The following CRTC1 variants were observed in gnomAD, a reference collection of about 807,000 sequenced individuals.
CRTC1 encodes CREB regulated transcription coactivator 1, also known as CREB-regulated transcription coactivator 1.
CRTC1 carries 18 observed loss-of-function variants against 66.1 expected under a neutral mutation model. The ratio of observed to expected loss-of-function variants is 0.27; its 90% confidence interval spans 0.19 to 0.40. The LOEUF (loss-of-function observed/expected upper bound fraction) is 0.40, where lower values mean the gene tolerates loss of function less well. CRTC1 is among the 10% of genes least tolerant of loss of function. CRTC1 has a pLI of 1.00. For missense variants in CRTC1, 669 were observed against 887.9 expected (o/e 0.75, Z 3.13); for synonymous variants, 416 against 398.8 (o/e 1.04, Z -0.51).
intron 1 of CRTC1, among the ~76,000 whole-genome samples, chr19:18,729,572 G>A (rs1034705339): frequency 1.3e-5 from 2 of 151,944 alleles, no homozygotes; most frequent in Non-Finnish European, 2.9e-5. Flanking sequence ...TAGGGAGACC[G>A]CGTCTCTACT....
chr19:18,779,952 T>A lies in CRTC1; in HGVS notation c.*2570T>A, dbSNP rs2055071492. 4.4e-6 allele frequency: 1 copy of A among 229,114 alleles called. No individual in the cohort carries two copies. Among genetic ancestry groups the A allele is most frequent in the South Asian group, 1.8e-4 (1 of 5,492 alleles). The allele number at this position is 229,114 out of a possible 1,614,324, so 14.2% of individuals were successfully genotyped here. A position where few individuals can be genotyped will look rare whatever the true frequency, so the allele number is the denominator to read the frequency against. On this transcript the variant is annotated 3_prime_UTR_variant, in exon 14 of 14. Coordinates refer to ENST00000321949, the MANE Select transcript of CRTC1 (RefSeq NM_015321.3). ...CGCCCCTCCTGGACCTGGGCGGGCC[T>A]CCCAGGGGGTCTGTATCACGGCCTT...
Position 18,768,485 on chromosome 19 carries a change from G to T in CRTC1, c.1012G>T (p.Ala338Ser). 1 of 1,608,582 alleles carries T rather than the reference G, an allele frequency of 6.2e-7. No individual in the cohort carries two copies. The highest frequency in any genetic ancestry group is 8.5e-7 in the Non-Finnish European group (1 of 1,179,118). The change falls in exon 10 of 14, where the codon GCT becomes TCT. Residue 338 changes from alanine (A) to serine (S), a missense_variant and splice_region_variant. Ala to Ser is a moderately conservative substitution (Grantham distance 99). Around this residue, in one of 8 missense-constraint regions of CRTC1, gnomAD observed 241 missense variants for 242.2 expected, o/e 0.99. Transcript: ENST00000321949. This position sits in a 1 kb window ranked among gnomAD's most constrained non-coding sequence, Gnocchi z 5.6. Reference sequence around the variant, plus strand: ...TGCCTGACGCTCTCCTCTCCTGCAGGCTGTAGCCATGGACGCCCTGTCTCT... The same window carrying T: ...TGCCTGACGCTCTCCTCTCCTGCAGTCTGTAGCCATGGACGCCCTGTCTCT... ...TLSPLSPITQAVAMDALSLEQ... is the reference protein window; with the variant it reads ...TLSPLSPITQSVAMDALSLEQ...
intron 1 of CRTC1, among the ~76,000 whole-genome samples, chr19:18,740,252 TAAAA>T (rs56087710): frequency 2.9e-4 from 41 of 140,028 alleles, no homozygotes; most frequent in African/African-American, 1.1e-3. Context: ...GACTCCATCT[TAAAA>T]AAAAAAAAAA....
At chr19:18,746,908 A>C (rs2145747106) in intron 3 of CRTC1, 145 bp from the exon 4 acceptor site, 16 of 663,296 alleles carry the variant, frequency 2.4e-5, no homozygotes, top group East Asian at 5.4e-5. Context: ...GCCGGCAGGA[A>C]ACGCCCCCCG....
intron 1 of CRTC1, among the ~76,000 whole-genome samples, chr19:18,713,530 G>T (rs1224380263): frequency 2.2e-5 from 1 of 46,154 alleles, no homozygotes; most frequent in Non-Finnish European, 3.8e-5. Flanking sequence ...TGCCCCTTCT[G>T]TGGGAGCTGA....
chr19:18,721,497 T>C (rs1359904376), intron 1 of CRTC1, among the ~76,000 whole-genome samples: 1 of 149,678 alleles, frequency 6.7e-6, no homozygotes, highest in Non-Finnish European at 1.5e-5. Flanking sequence ...CCGGCCTTTT[T>C]TTTTTTTTTT....
intron 1 of CRTC1, among the ~76,000 whole-genome samples, chr19:18,713,511 T>C (rs1213634771): frequency 1.3e-5 from 1 of 77,200 alleles, no homozygotes; most frequent in Non-Finnish European, 2.5e-5. Flanking sequence ...TTTTCCTTGT[T>C]CTCTGCTGTG....
At chr19:18,723,115 A>G (rs916033312) in intron 1 of CRTC1, among the ~76,000 whole-genome samples, 4 of 151,692 alleles carry the variant, frequency 2.6e-5, no homozygotes, top group African/African-American at 9.7e-5. Flanking sequence ...TAATTTTTGT[A>G]TTTTTGGTAG....
At chr19:18,708,086 G>A (rs901117930) in intron 1 of CRTC1, among the ~76,000 whole-genome samples, 1 of 152,198 alleles carries the variant, frequency 6.6e-6, no homozygotes, top group African/African-American at 2.4e-5. Flanking sequence ...GGTGAGGTCC[G>A]AGTTGCCGGT....
intron 8 of CRTC1, among the ~76,000 whole-genome samples, chr19:18,764,552 G>A (rs574673994): frequency 1.3e-5 from 2 of 152,274 alleles, no homozygotes; most frequent in Non-Finnish European, 2.9e-5. Context: ...CCAAGGATTG[G>A]GTTGCTCAGT....
intron 13 of CRTC1, among the ~76,000 whole-genome samples, chr19:18,776,530 A>G (rs540731715): frequency 2.8e-4 from 42 of 152,326 alleles, no homozygotes; most frequent in African/African-American, 8.9e-4. Flanking sequence ...CTCTGAGTGC[A>G]GAATCCAGCA....
chr19:18,780,338 TC>T lies in CRTC1; in HGVS notation c.*2958del, dbSNP rs1244937673. ...TCCTGAGAGCATGGCGTCCCCACCT[TC>T]CTGTTTCGCCGACGTCACTACCCAG... On this transcript the variant is annotated 3_prime_UTR_variant, in exon 14 of 14. Coordinates refer to ENST00000321949, the MANE Select transcript of CRTC1 (RefSeq NM_015321.3). 12 of 231,784 alleles carry T rather than the reference TC, an allele frequency of 5.2e-5. No individual in the cohort carries two copies. The highest frequency in any genetic ancestry group is 9.4e-5 in the Non-Finnish European group (11 of 117,196). The allele number at this position is 231,784 out of a possible 1,614,324, so 14.4% of individuals were successfully genotyped here. A position where few individuals can be genotyped will look rare whatever the true frequency, so the allele number is the denominator to read the frequency against.
At chr19:18,742,341 G>C (rs1402852619) in intron 1 of CRTC1, among the ~76,000 whole-genome samples, 1 of 152,206 alleles carries the variant, frequency 6.6e-6, no homozygotes, top group Non-Finnish European at 1.5e-5. Flanking sequence ...CATGAGGAAG[G>C]AACATGGGGC....
intron 1 of CRTC1, among the ~76,000 whole-genome samples, chr19:18,716,676 G>A (rs149739088): frequency 1.1e-4 from 16 of 152,332 alleles, no homozygotes; most frequent in African/African-American, 2.9e-4. Context: ...ATGCTGTGTC[G>A]TCTTTCCTGT....
At chr19:18,722,761 G>A (rs934150994) in intron 1 of CRTC1, among the ~76,000 whole-genome samples, 1 of 152,154 alleles carries the variant, frequency 6.6e-6, no homozygotes, top group African/African-American at 2.4e-5. Flanking sequence ...TCACCCCGCA[G>A]GTAGTCACTC....
chr19:18,759,933 C>CCCGCCAGCCCCCTTTCCCCG, intron 7 of CRTC1, 75 bp from the exon 8 acceptor site: 1 of 991,356 alleles, frequency 1.0e-6, no homozygotes, highest in African/African-American at 2.5e-5. Flanking sequence ...CTGATTTTCT[C>CCCGCCAGCCCCCTTTCCCCG]CCGCCAGCCC....
rs1224030762 is a variant in CRTC1 at position 18,775,705 on chromosome 19, C to T, written c.1577C>T (p.Thr526Ile). The T allele has an allele frequency of 6.2e-7, 1 of 1,612,730 alleles. No individual in the cohort carries two copies. Among genetic ancestry groups the T allele is most frequent in the African/African-American group, 1.3e-5 (1 of 75,036 alleles). ...SSSSLYSPGS[T>I]LNYSQAAMMG... ...AGCAGCCTGTACAGCCCGGGCTCCA[C>T]ACTCAACTACTCGCAGGCGGCCATG... Residue 526 changes from threonine (T) to isoleucine (I), a missense_variant, in exon 13 of 14, where the codon ACA (threonine) becomes ATA (isoleucine). This residue lies in a region of CRTC1 where 79 missense variants were observed against 100.1 expected (regional missense o/e 0.79). Transcript: ENST00000321949.
At chr19:18,699,276 C>G (rs1170176857) in intron 1 of CRTC1, among the ~76,000 whole-genome samples, 4 of 152,216 alleles carry the variant, frequency 2.6e-5, no homozygotes, top group African/African-American at 7.2e-5. Context: ...CTCAATACCT[C>G]CATCTGGGAA....
At chr19:18,745,788 T>G (rs2054219777) in intron 2 of CRTC1, 35 bp from the exon 3 acceptor site, 1 of 1,612,286 alleles carries the variant, frequency 6.2e-7, no homozygotes, top group South Asian at 1.1e-5. Context: ...TTGTTTGGAT[T>G]TCTCTCTCTC....
Sources: gnomAD v4.1 joint callset for allele counts (sites outside exome capture counted in the v4.1 genomes callset) on GRCh38, gnomAD v4.1.1 for gene constraint, gnomAD v4.1.1 regional missense constraint, Gnocchi (gnomAD v3.1) non-coding constraint, MANE v1.5 for transcripts, NCBI Gene and HGNC (gene_info 2026-07-23, HGNC 2026-07-21) for gene names.